RBAK: variants seen among roughly 807,000 people sequenced by gnomAD.
The protein encoded by RBAK is RB-associated KRAB zinc finger protein.
Under a neutral mutation model 65.8 loss-of-function variants are expected in RBAK, and 39 were observed. That is an observed-to-expected ratio of 0.59 (90% CI 0.46 to 0.77). RBAK has a LOEUF of 0.77. RBAK is among the 30% of genes least tolerant of loss of function. The pLI is 0.00. For synonymous variants in RBAK, 343 were observed against 289.7 expected, an observed-to-expected ratio of 1.18 and a Z score of -1.87; for missense variants, 884 against 855.1, an observed-to-expected ratio of 1.03 and a Z score of -0.42.
rs1219476366 is a variant in RBAK, at chr7:5,068,027, TATTAA to T, written c.*2430_*2434del. 2 of 152,176 alleles carry T rather than the reference TATTAA, an allele frequency of 1.3e-5. No homozygotes were observed. The highest frequency in any genetic ancestry group is 4.8e-5 in the African/African-American group (2 of 41,426). 9.4% of individuals were successfully genotyped at this position (152,176 alleles called of 1,614,324 possible). ...ATTAACCCATAAAATTAGAACTTAA[TATTAA>T]ATTTGAGAACTTCTATTTATCAGAA... On this transcript the variant is annotated 3_prime_UTR_variant, in exon 5 of 5. Transcript: ENST00000396912.
rs536064000 is a variant in RBAK, at chr7:5,063,257, C to T, written c.239-438C>T. 8.5e-5 allele frequency among the ~76,000 whole-genome samples: 13 copies of T among 152,324 alleles called. No individual in the cohort carries two copies. In the South Asian group the frequency reaches 1.2e-3, roughly 15 times the overall value. On this transcript the variant is annotated intron_variant, in intron 4 of 4. Transcript: ENST00000396912. Reference sequence around the variant, plus strand: ...CTGCCATGGCTTCAGCCAGTCCCTCCGTTTGGGGTCCCTGACTTCCCACAA... The same window carrying T: ...CTGCCATGGCTTCAGCCAGTCCCTCTGTTTGGGGTCCCTGACTTCCCACAA...
At chr7:5,061,431 T>G (rs546788889) in intron 4 of RBAK, among the ~76,000 whole-genome samples, 8 of 147,772 alleles carry the variant, frequency 5.4e-5, no homozygotes, top group Admixed American at 4.8e-4. Context: ...GATCTTGGGT[T>G]TTTTGTTTTG....
intron 3 of RBAK, 80 bp downstream of exon 3, chr7:5,057,501 A>G: frequency 1.2e-6 from 2 of 1,612,310 alleles, no homozygotes; most frequent in Admixed American, 1.7e-5. Flanking sequence ...TGATGACACC[A>G]TTTAATTCCT....
At chr7:5,058,754 C>A (rs1171030582) in intron 4 of RBAK, among the ~76,000 whole-genome samples, 1 of 152,238 alleles carries the variant, frequency 6.6e-6, no homozygotes, top group African/African-American at 2.4e-5. Context: ...GTGTGAATTT[C>A]ATAAGTGAAT....
chr7:5,065,156 A>G lies in RBAK; in HGVS notation c.1700A>G (p.Tyr567Cys). The G allele has an allele frequency of 6.2e-7, 1 of 1,613,964 alleles. No homozygotes were observed. The highest frequency in any genetic ancestry group is 1.7e-4 in the Middle Eastern group (1 of 6,060). The change falls in exon 5 of 5, where the codon TAT becomes TGT. Residue 567 changes from tyrosine to cysteine, a missense_variant. Coordinates refer to ENST00000396912, the MANE Select transcript of RBAK (RefSeq NM_021163.4). The surrounding 1 kb of genome is among the most constrained non-coding windows in gnomAD (Gnocchi z 5.3). The stretch of plus-strand genomic sequence containing the variant: ...AGAAGTCATTCAGAAGAGAAACCTT[A>G]TGGATGTAGCGAATGTGGGAAAACC... ...HYRSHSEEKP[Y>C]GCSECGKTFS...
chr7:5,061,262 C>G (rs2115041012), intron 4 of RBAK, among the ~76,000 whole-genome samples: 1 of 151,982 alleles, frequency 6.6e-6, no homozygotes, highest in Middle Eastern at 3.4e-3. Context: ...GACCAAATGC[C>G]CTAGTTAGTA....
In RBAK at chr7:5,064,014, C is replaced by T. The variant is rs1263155207; in HGVS notation, c.558C>T (p.Thr186=). The T allele has an allele frequency of 1.2e-6, 2 of 1,613,206 alleles. No homozygotes were observed. The highest frequency in any genetic ancestry group is 2.7e-5 in the African/African-American group (2 of 74,826). The change falls in exon 5 of 5, where the codon ACC becomes ACT. Residue 186 remains threonine, a synonymous_variant. Coordinates refer to ENST00000396912, the MANE Select transcript of RBAK (RefSeq NM_021163.4). The surrounding 1 kb of genome is among the most constrained non-coding windows in gnomAD (Gnocchi z 6.3). ...GTGAATTTAATCAAAATGGGGATAC[C>T]TATTCTCACAATGAAGAAAATATTC... ...KMCEFNQNGD[T]YSHNEENILQ...
At chr7:5,059,408 C>T (rs566039938) in intron 4 of RBAK, among the ~76,000 whole-genome samples, 1 of 152,038 alleles carries the variant, frequency 6.6e-6, no homozygotes, top group Admixed American at 6.6e-5. Flanking sequence ...GCAGCCTCCC[C>T]CTCCCAGGTT....
Position 5,068,253 on chromosome 7 carries a change from T to G in RBAK, c.*2652T>G, listed in dbSNP as rs1016814036. On this transcript the variant is annotated 3_prime_UTR_variant, in exon 5 of 5. Coordinates refer to ENST00000396912, the MANE Select transcript of RBAK (RefSeq NM_021163.4). ...TGTGAAAGCATCCATACACCATGCATTAAAAAAAAAATGAGCATGGCTGCT... is the reference window on the plus strand; with the variant it reads ...TGTGAAAGCATCCATACACCATGCAGTAAAAAAAAAATGAGCATGGCTGCT... The G allele has an allele frequency of 6.6e-6, 1 of 151,918 alleles. No homozygotes were observed. Among genetic ancestry groups the G allele is most frequent in the African/African-American group, 2.4e-5 (1 of 41,360 alleles). The allele number at this position is 151,918 out of a possible 1,614,324, so 9.4% of individuals were successfully genotyped here.
chr7:5,060,387 A>G (rs1267578677), intron 4 of RBAK, among the ~76,000 whole-genome samples: 3 of 152,242 alleles, frequency 2.0e-5, no homozygotes, highest in African/African-American at 7.2e-5. Flanking sequence ...AGAGAGATTC[A>G]AAGAAAATAT....
intron 2 of RBAK, among the ~76,000 whole-genome samples, chr7:5,049,779 A>G (rs575634861): frequency 6.6e-6 from 1 of 152,102 alleles, no homozygotes; most frequent in South Asian, 2.1e-4. Context: ...GCTGGAGTGT[A>G]GAGACGTGAT....
rs75300374 is a variant in RBAK, at chr7:5,060,965, G to T, written c.239-2730G>T. On this transcript the variant is annotated intron_variant, in intron 4 of 4. Coordinates refer to ENST00000396912, the MANE Select transcript of RBAK (RefSeq NM_021163.4). Reference sequence around the variant, plus strand: ...AAGTACATCATAGGGGCAGCTTTAGGAATCTGAGATATAAGATTTTACACC... The same window carrying T: ...AAGTACATCATAGGGGCAGCTTTAGTAATCTGAGATATAAGATTTTACACC... 8.6e-3 allele frequency among the ~76,000 whole-genome samples: 1,316 copies of T among 152,234 alleles called. 20 individuals are homozygous for T. The highest frequency in any genetic ancestry group is 0.03 in the African/African-American group (1,257 of 41,514).
intron 1 of RBAK, among the ~76,000 whole-genome samples, chr7:5,047,244 A>G (rs1788009097): frequency 1.3e-5 from 2 of 152,134 alleles, no homozygotes; most frequent in African/African-American, 2.4e-5. Context: ...TACAAAAAAT[A>G]CAAAAGTAGC....
chr7:5,051,354 A>AT (rs1332321469), intron 2 of RBAK, among the ~76,000 whole-genome samples: 1 of 151,886 alleles, frequency 6.6e-6, no homozygotes, highest in Middle Eastern at 3.4e-3. Context: ...ATTTTTATAT[A>AT]TTTTTTTTCT....
At chr7:5,054,950 G>C (rs58877720) in intron 2 of RBAK, among the ~76,000 whole-genome samples, 3 of 151,538 alleles carry the variant, frequency 2.0e-5, no homozygotes, top group African/African-American at 4.9e-5. Flanking sequence ...TTTTTTGTTT[G>C]TTTGTTTTTT....
At position 5,065,441 on chromosome 7, in the gene RBAK, A is replaced by G. The variant is rs1175783737; in HGVS notation, c.1985A>G (p.Gln662Arg). The G allele has an allele frequency of 1.2e-6, 2 of 1,613,986 alleles. No individual in the cohort carries two copies. Among genetic ancestry groups the G allele is most frequent in the Non-Finnish European group, 1.7e-6 (2 of 1,179,872 alleles). ...ECNECGKVFS[Q>R]KSYLTVHYRT... ...AATGAATGTGGGAAAGTCTTTTCTC[A>G]GAAGTCATACCTCACTGTACACTAT... The change falls in exon 5 of 5, where the codon CAG becomes CGG. Residue 662 changes from glutamine (Q) to arginine (R), a missense_variant. Coordinates refer to ENST00000396912, the MANE Select transcript of RBAK (RefSeq NM_021163.4). This position sits in a 1 kb window ranked among gnomAD's most constrained non-coding sequence, Gnocchi z 5.3.
At position 5,068,602 on chromosome 7, in the gene RBAK, C is replaced by A. The variant is rs544020556; in HGVS notation, c.*3001C>A. On this transcript the variant is annotated 3_prime_UTR_variant, in exon 5 of 5. Transcript: ENST00000396912. The stretch of plus-strand genomic sequence containing the variant: ...TTGGCAAGGATGTAAGCAAGAGGAA[C>A]TGTACACTACTGGTGGAATTGCTCA... 2.6e-5 allele frequency: 4 copies of A among 152,322 alleles called. No homozygotes were observed. Among genetic ancestry groups the A allele is most frequent in the South Asian group, 4.1e-4 (2 of 4,820 alleles). 9.4% of individuals were successfully genotyped at this position (152,322 alleles called of 1,614,324 possible). A position where few individuals can be genotyped will look rare whatever the true frequency, so the allele number is the denominator to read the frequency against.
At chr7:5,058,669 C>T (rs1778990157) in intron 4 of RBAK, among the ~76,000 whole-genome samples, 1 of 152,172 alleles carries the variant, frequency 6.6e-6, no homozygotes, top group Non-Finnish European at 1.5e-5. Context: ...CCCCACTGCT[C>T]ATGACCCGTC....
Position 5,050,371 on chromosome 7 carries a change from T to G in RBAK, c.15+2280T>G, listed in dbSNP as rs73673272. ...TTAAATTGGTAGTTTGATCTGGAAG[T>G]CTAATCAGGTTTATGTTCAATTCTT... On this transcript the variant is annotated intron_variant, in intron 2 of 4. Coordinates refer to ENST00000396912, the MANE Select transcript of RBAK (RefSeq NM_021163.4). Among the ~76,000 whole-genome samples the G allele has an allele frequency of 6.2e-3, 941 of 152,356 alleles. 14 individuals are homozygous for G. Among genetic ancestry groups the G allele is most frequent in the African/African-American group, 0.022 (897 of 41,590 alleles).
Sources: gnomAD v4.1 joint callset for allele counts (sites outside exome capture counted in the v4.1 genomes callset) on GRCh38, gnomAD v4.1.1 for gene constraint, Gnocchi (gnomAD v3.1) non-coding constraint, MANE v1.5 for transcripts, NCBI Gene and HGNC (gene_info 2026-07-23, HGNC 2026-07-21) for gene names.